ADARB2: variants seen among roughly 807,000 people sequenced by gnomAD.
The protein encoded by ADARB2 is inactive double-stranded RNA-specific editase B2.
ADARB2 carries 25 observed loss-of-function variants against 62.2 expected under a neutral mutation model. The ratio of observed to expected loss-of-function variants is 0.40; its 90% confidence interval spans 0.29 to 0.56. The LOEUF (loss-of-function observed/expected upper bound fraction) is 0.56. Among genes scored for constraint, ADARB2 ranks in the 20% least tolerant of loss-of-function variants. ADARB2 has a pLI of 0.43. For synonymous variants in ADARB2, 572 were observed against 500.8 expected (o/e 1.14, Z -1.90); for missense variants, 1,071 against 1,077.4 (o/e 0.99, Z 0.08).
At chr10:1,372,299 G>A (rs1199058446) in intron 2 of ADARB2, among the ~76,000 whole-genome samples, 1 of 131,208 alleles carries the variant, frequency 7.6e-6, no homozygotes, top group Non-Finnish European at 1.8e-5. Context: ...AACAGACACT[G>A]AGGACTTGAG....
At chr10:1,554,617 A>T (rs1832675090) in intron 1 of ADARB2, among the ~76,000 whole-genome samples, 1 of 152,078 alleles carries the variant, frequency 6.6e-6, no homozygotes, top group Non-Finnish European at 1.5e-5. Flanking sequence ...CCCCAACGGT[A>T]CTTCAGTTAT....
chr10:1,605,352 C>A (rs1231746915), intron 1 of ADARB2, among the ~76,000 whole-genome samples: 2 of 152,216 alleles, frequency 1.3e-5, no homozygotes, highest in Admixed American at 1.3e-4. Flanking sequence ...GACAATGTCA[C>A]CTTCCCGTCT....
At chr10:1,556,985 G>T in intron 1 of ADARB2, 1 of 389,070 alleles carries the variant, frequency 2.6e-6, no homozygotes. Context: ...TTCACCTCCA[G>T]GAATCTTGTC....
At chr10:1,669,110 T>C (rs1834348507) in intron 1 of ADARB2, among the ~76,000 whole-genome samples, 1 of 152,202 alleles carries the variant, frequency 6.6e-6, no homozygotes, top group Non-Finnish European at 1.5e-5. Flanking sequence ...GCCTGCCTAA[T>C]GTCACAGTGA....
rs76562499 is a variant in ADARB2 at position 1,529,660 on chromosome 10, C to T, written c.101-150500G>A. The stretch of plus-strand genomic sequence containing the variant: ...TTTAAAAAATAGCCCTTGTTGGAGC[C>T]CCTCTGCCCCTGCAACTCAGTAGCT... On this transcript the variant is annotated intron_variant, in intron 1 of 9. Coordinates refer to ENST00000381312, the MANE Select transcript of ADARB2 (RefSeq NM_018702.4). 5.8e-3 allele frequency among the ~76,000 whole-genome samples: 891 copies of T among 152,344 alleles called. 6 individuals carry two copies. The highest frequency in any genetic ancestry group is 0.016 in the African/African-American group (671 of 41,568).
At position 1,363,051 on chromosome 10, in the gene ADARB2, C is replaced by G; in HGVS notation, c.1054G>C (p.Ala352Pro). The change falls in exon 3 of 10, where the codon GCC (alanine) becomes CCC (proline). Residue 352 changes from alanine to proline, a missense_variant. Transcript: ENST00000381312. The stretch of plus-strand genomic sequence containing the variant: ...ACCTGCGGCATTGGCGTCCTCCTGG[C>G]CCTGCCGGGCGCGTGGCCGGGCATC... ...IQMPGHAPGR[A>P]RRTPMPQEFA... The G allele has an allele frequency of 7.0e-7, 1 of 1,429,052 alleles. No individual in the cohort carries two copies. Among genetic ancestry groups the G allele is most frequent in the Non-Finnish European group, 9.2e-7 (1 of 1,091,804 alleles). The allele number at this position is 1,429,052 out of a possible 1,614,324, so 88.5% of individuals were successfully genotyped here.
intron 1 of ADARB2, among the ~76,000 whole-genome samples, chr10:1,576,165 G>A (rs1833018197): frequency 7.1e-6 from 1 of 139,954 alleles, no homozygotes; most frequent in Non-Finnish European, 1.6e-5. Context: ...CACAGGAGGG[G>A]GGTTCAGGGT....
rs561363722 is a variant in ADARB2, at chr10:1,319,899, C to T, written c.1077+43129G>A. ...TTTGTATGGATTCCCAGCAGTGGGA[C>T]TACTGGACCAATATGTGTAAACGTT... is the stretch of plus-strand genomic sequence containing the variant. On this transcript the variant is annotated intron_variant, in intron 3 of 9. Transcript: ENST00000381312. 5.3e-5 allele frequency among the ~76,000 whole-genome samples: 8 copies of T among 152,356 alleles called. No individual in the cohort carries two copies. In the South Asian group the frequency reaches 1.7e-3, roughly 32 times the overall value.
chr10:1,561,160 C>T (rs1564330998), intron 1 of ADARB2, among the ~76,000 whole-genome samples: 1 of 152,186 alleles, frequency 6.6e-6, no homozygotes, highest in Non-Finnish European at 1.5e-5. Flanking sequence ...AATATAAAGA[C>T]ATCAAGGAGA....
chr10:1,319,155 C>T (rs1408952473), intron 3 of ADARB2, among the ~76,000 whole-genome samples: 2 of 152,134 alleles, frequency 1.3e-5, no homozygotes. Flanking sequence ...TAGGAACAGA[C>T]TTCCTTACAC....
In ADARB2 at chr10:1,525,554, C is replaced by T. The variant is rs142726033; in HGVS notation, c.101-146394G>A. 2.2e-3 allele frequency among the ~76,000 whole-genome samples: 342 copies of T among 152,176 alleles called. 2 individuals are homozygous for T. The highest frequency in any genetic ancestry group is 1.3e-3 in the Non-Finnish European group (90 of 68,024). ...AGTTCAAAGTACATCAGCAGCCCGA[C>T]GCTGGTGGTCCACGTTTTCCTGTCG... On this transcript the variant is annotated intron_variant, in intron 1 of 9. Transcript: ENST00000381312.
intron 1 of ADARB2, among the ~76,000 whole-genome samples, chr10:1,717,732 C>T (rs1272915136): frequency 6.6e-6 from 1 of 152,018 alleles, no homozygotes; most frequent in Admixed American, 6.6e-5. Context: ...CACACACCAC[C>T]ACGCTGGACT....
intron 1 of ADARB2, among the ~76,000 whole-genome samples, chr10:1,525,145 G>A (rs1832124611): frequency 6.6e-6 from 1 of 152,056 alleles, no homozygotes; most frequent in South Asian, 2.1e-4. Context: ...TGTACTAATA[G>A]CTGTAAAAAA....
intron 1 of ADARB2, among the ~76,000 whole-genome samples, chr10:1,582,669 C>G (rs892847658): frequency 3.9e-5 from 6 of 152,192 alleles, no homozygotes; most frequent in Admixed American, 3.3e-4. Flanking sequence ...GCCACATCTG[C>G]TGGTGTCTGT....
At chr10:1,450,564 T>C (rs1831024202) in intron 1 of ADARB2, among the ~76,000 whole-genome samples, 1 of 152,234 alleles carries the variant, frequency 6.6e-6, no homozygotes. Flanking sequence ...TGCTGGCTCC[T>C]TTTGTTGAGG....
chr10:1,664,981 A>C (rs1834297207), intron 1 of ADARB2, among the ~76,000 whole-genome samples: 1 of 152,186 alleles, frequency 6.6e-6, no homozygotes, highest in Admixed American at 6.5e-5. Context: ...CGAAAGAAAG[A>C]ACACCAGGGA....
chr10:1,189,761 C>T (rs1237880953), intron 8 of ADARB2, among the ~76,000 whole-genome samples: 2 of 150,138 alleles, frequency 1.3e-5, no homozygotes, highest in Non-Finnish European at 3.0e-5. Flanking sequence ...GTGGCGCTAC[C>T]TCCTTCCCCA....
intron 1 of ADARB2, among the ~76,000 whole-genome samples, chr10:1,462,164 C>A (rs1831182503): frequency 6.6e-6 from 1 of 151,902 alleles, no homozygotes; most frequent in South Asian, 2.1e-4. Flanking sequence ...CTTCCCACCA[C>A]CCCCAGGCCC....
chr10:1,516,369 C>T (rs1244731616), intron 1 of ADARB2, among the ~76,000 whole-genome samples: 1 of 152,220 alleles, frequency 6.6e-6, no homozygotes, highest in Non-Finnish European at 1.5e-5. Context: ...CTCCCTTTCC[C>T]GAGGTGCAGC....
Sources: gnomAD v4.1 joint callset for allele counts (sites outside exome capture counted in the v4.1 genomes callset) on GRCh38, gnomAD v4.1.1 for gene constraint, MANE v1.5 for transcripts, NCBI Gene and HGNC (gene_info 2026-07-23, HGNC 2026-07-21) for gene names.